Variants in ANXA10 observed in about 807,000 individuals in gnomAD.
ANXA10 encodes the protein annexin 14.
A neutral mutation model predicts 53.5 loss-of-function variants in ANXA10; 49 were observed. The observed-to-expected ratio is 0.92, with a 90% CI of 0.73 to 1.16. ANXA10 has a LOEUF of 1.16. Ranked by LOEUF, ANXA10 falls within the 50% of genes most tolerant of loss-of-function variation. The pLI is 0.00. For missense variants in ANXA10, 393 were observed against 394.4 expected (o/e 1.00, Z 0.03); for synonymous variants, 131 against 128.9 (o/e 1.02, Z -0.11).
chr4:168,105,635 T>C (rs1458103683), intron 1 of ANXA10, among the ~76,000 whole-genome samples: 1 of 152,134 alleles, frequency 6.6e-6, no homozygotes, highest in Non-Finnish European at 1.5e-5. Flanking sequence ...ATATACCCAG[T>C]AGTGAGATTG....
At chr4:168,184,184 G>A (rs1470706868) in intron 10 of ANXA10, among the ~76,000 whole-genome samples, 1 of 152,182 alleles carries the variant, frequency 6.6e-6, no homozygotes, top group African/African-American at 2.4e-5. Flanking sequence ...AGGACCACAG[G>A]ATCAGATTTG....
chr4:168,096,490 CTTG>C (rs927132045), intron 1 of ANXA10, among the ~76,000 whole-genome samples: 5 of 151,994 alleles, frequency 3.3e-5, no homozygotes, highest in African/African-American at 1.2e-4. Flanking sequence ...GGCATGCATG[CTTG>C]TTGTAAATTT....
Position 168,112,318 on chromosome 4 carries a change from G to A in ANXA10, c.19-15766G>A, listed in dbSNP as rs1730821690. Among the ~76,000 whole-genome samples the A allele has an allele frequency of 2.0e-5, 3 of 151,810 alleles. 1 individual carries two copies. Among genetic ancestry groups the A allele is most frequent in the Middle Eastern group, 6.3e-3 (2 of 316 alleles). Reference sequence around the variant, plus strand: ...GTCTGGGGTGGCGGGCTGGGGGGAAGGCAACAACAAAAGAAAAGCCAGATT... The same window carrying A: ...GTCTGGGGTGGCGGGCTGGGGGGAAAGCAACAACAAAAGAAAAGCCAGATT... On this transcript the variant is annotated intron_variant, in intron 1 of 11. Coordinates refer to ENST00000359299, the MANE Select transcript of ANXA10 (RefSeq NM_007193.5).
At chr4:168,170,900 A>G (rs118174911) in intron 6 of ANXA10, among the ~76,000 whole-genome samples, 3,675 of 152,270 alleles carry the variant, frequency 0.024, 200 homozygotes, top group East Asian at 0.14. Flanking sequence ...CTCCTTTAAT[A>G]ATAGTCTCTT....
intron 1 of ANXA10, among the ~76,000 whole-genome samples, chr4:168,105,424 A>G (rs138136055): frequency 1.2e-3 from 180 of 152,096 alleles, no homozygotes; most frequent in African/African-American, 3.7e-3. Context: ...AGCTCCATCC[A>G]TGTTTCTGCA....
intron 2 of ANXA10, among the ~76,000 whole-genome samples, chr4:168,137,014 C>A (rs1234603710): frequency 6.6e-6 from 1 of 152,186 alleles, no homozygotes; most frequent in Non-Finnish European, 1.5e-5. Flanking sequence ...TCAGCTTGCA[C>A]CCTCTGGAGC....
intron 3 of ANXA10, among the ~76,000 whole-genome samples, chr4:168,140,020 A>G (rs1313128679): frequency 1.3e-5 from 2 of 152,198 alleles, no homozygotes; most frequent in South Asian, 2.1e-4. Flanking sequence ...ACTCTCAACC[A>G]AAGTGAATTC....
intron 2 of ANXA10, among the ~76,000 whole-genome samples, chr4:168,128,524 G>C (rs1731108714): frequency 6.6e-6 from 1 of 151,982 alleles, no homozygotes. Flanking sequence ...TTTGCTATTT[G>C]CTATTTCCAC....
intron 3 of ANXA10, among the ~76,000 whole-genome samples, chr4:168,147,090 C>G (rs1016256437): frequency 1.6e-4 from 25 of 152,196 alleles, no homozygotes; most frequent in African/African-American, 5.8e-4. Context: ...AAAAGTTTCC[C>G]CCAGTGGAAT....
intron 3 of ANXA10, 90 bp downstream of exon 3, chr4:168,139,670 C>G: frequency 4.7e-6 from 4 of 855,620 alleles, no homozygotes; most frequent in Non-Finnish European, 7.3e-6. Flanking sequence ...TTTTCAATCT[C>G]ACAGATTGCA....
intron 1 of ANXA10, among the ~76,000 whole-genome samples, chr4:168,102,699 A>ATT (rs1730659185): frequency 6.6e-6 from 1 of 152,068 alleles, no homozygotes; most frequent in East Asian, 1.9e-4. Flanking sequence ...GGATTTAGTG[A>ATT]TTATAAATAA....
At chr4:168,178,842 A>G (rs1356526680) in intron 8 of ANXA10, among the ~76,000 whole-genome samples, 1 of 152,202 alleles carries the variant, frequency 6.6e-6, no homozygotes, top group African/African-American at 2.4e-5. Context: ...CTTAATTCTC[A>G]TATTTAAGCT....
At chr4:168,153,562 A>G (rs945230459) in intron 3 of ANXA10, among the ~76,000 whole-genome samples, 2 of 151,950 alleles carry the variant, frequency 1.3e-5, no homozygotes, top group African/African-American at 4.8e-5. Flanking sequence ...GTGAAGAGAG[A>G]CAGACAAAGA....
chr4:168,114,274 TTTTA>T (rs1027571661), intron 1 of ANXA10, among the ~76,000 whole-genome samples: 2 of 149,522 alleles, frequency 1.3e-5, no homozygotes, highest in African/African-American at 2.6e-5. Flanking sequence ...TATACATATA[TTTTA>T]TTTATTTATT....
At chr4:168,099,753 G>C (rs1174244494) in intron 1 of ANXA10, among the ~76,000 whole-genome samples, 1 of 151,800 alleles carries the variant, frequency 6.6e-6, no homozygotes, top group Non-Finnish European at 1.5e-5. Flanking sequence ...TAGTGGACTT[G>C]GTCTTTTTTT....
chr4:168,126,797 T>C (rs1731077824), intron 1 of ANXA10, among the ~76,000 whole-genome samples: 1 of 152,156 alleles, frequency 6.6e-6, no homozygotes, highest in African/African-American at 2.4e-5. Flanking sequence ...AGAATAAAAA[T>C]ATAGACATAT....
At position 168,153,435 on chromosome 4, in the gene ANXA10, AAAAAAACAAAAACAAAAACAAAAC is replaced by A. The variant is rs1450584869; in HGVS notation, c.196-9086_196-9063del. Among the ~76,000 whole-genome samples the A allele has an allele frequency of 1.5e-3, 84 of 56,270 alleles. 3 individuals carry two copies. Among genetic ancestry groups the A allele is most frequent in the African/African-American group, 4.1e-3 (65 of 15,724 alleles). The allele number at this position is 56,270 out of a possible 152,430, so 36.9% of individuals were successfully genotyped here. A position where few individuals can be genotyped will look rare whatever the true frequency, so the allele number is the denominator to read the frequency against. On this transcript the variant is annotated intron_variant, in intron 3 of 11. Transcript: ENST00000359299. ...AAAAGCCTAAAGCAAAAAAAAAAAA[AAAAAAACAAAAACAAAAACAAAAC>A]AAAAAAAAAAACCAATAACAACAAC...
At chr4:168,120,852 C>A (rs1730974723) in intron 1 of ANXA10, among the ~76,000 whole-genome samples, 1 of 151,978 alleles carries the variant, frequency 6.6e-6, no homozygotes, top group Non-Finnish European at 1.5e-5. Context: ...TTTTCAACAT[C>A]ACTTCATTAA....
intron 1 of ANXA10, among the ~76,000 whole-genome samples, chr4:168,115,058 G>T (rs976342871): frequency 6.6e-6 from 1 of 151,938 alleles, no homozygotes; most frequent in Non-Finnish European, 1.5e-5. Flanking sequence ...AGCTAATTTT[G>T]TATGGAGATA....
Sources: allele counts gnomAD v4.1 joint callset (sites outside exome capture counted in the v4.1 genomes callset), GRCh38; gene constraint gnomAD v4.1.1; transcripts MANE v1.5; gene names NCBI Gene and HGNC (gene_info 2026-07-23, HGNC 2026-07-21).